GFRA2: variants seen among roughly 807,000 people sequenced by gnomAD.
The protein encoded by GFRA2 is GDNF family receptor alpha 2, also known as GDNF family receptor alpha-2.
Under a neutral mutation model 48.3 loss-of-function variants are expected in GFRA2, and 17 were observed. That is an observed-to-expected ratio of 0.35 (90% CI 0.24 to 0.53). GFRA2 has a LOEUF of 0.53. Among genes scored for constraint, GFRA2 ranks in the 20% least tolerant of loss-of-function variants. GFRA2 has a pLI of 0.93. For synonymous variants in GFRA2, 305 were observed against 257.2 expected, an observed-to-expected ratio of 1.19 and a Z score of -1.78; for missense variants, 660 against 637.3, an observed-to-expected ratio of 1.04 and a Z score of -0.38.
At chr8:21,733,884 C>T (rs1476601754) in intron 4 of GFRA2, among the ~76,000 whole-genome samples, 3 of 152,180 alleles carry the variant, frequency 2.0e-5, no homozygotes, top group Non-Finnish European at 4.4e-5. Context: ...AAACAACCAC[C>T]CTCCCCAGGC....
chr8:21,706,675 C>T (rs1049695431), intron 4 of GFRA2, among the ~76,000 whole-genome samples: 1 of 152,282 alleles, frequency 6.6e-6, no homozygotes, highest in South Asian at 2.1e-4. Context: ...CAGGCAGAAG[C>T]GGCCTTCCCT....
At chr8:21,790,070 C>T (rs921799269), upstream of GFRA2, 2 of 985,170 alleles carry the variant, frequency 2.0e-6, no homozygotes, top group African/African-American at 3.5e-5. Context: ...CCGGGCTCAC[C>T]GGCGTGTTTT....
At chr8:21,723,985 G>A (rs1050747091) in intron 4 of GFRA2, among the ~76,000 whole-genome samples, 3 of 152,132 alleles carry the variant, frequency 2.0e-5, no homozygotes, top group Admixed American at 6.5e-5. Flanking sequence ...AGGAATGGAC[G>A]CTGGCAGAGT....
chr8:21,716,324 C>T (rs1585247276), intron 4 of GFRA2, among the ~76,000 whole-genome samples: 1 of 146,480 alleles, frequency 6.8e-6, no homozygotes, highest in African/African-American at 2.5e-5. Context: ...AAAAAAAAGA[C>T]AGAAACATTC....
chr8:21,749,542 A>C (rs1477574580), intron 4 of GFRA2, among the ~76,000 whole-genome samples: 1 of 151,762 alleles, frequency 6.6e-6, no homozygotes, highest in African/African-American at 2.4e-5. Flanking sequence ...GATCATTGAG[A>C]CTGGATCATA....
chr8:21,788,731 C>T lies in GFRA2; in HGVS notation c.-572G>A, dbSNP rs1807412596. ...AGACGAAGACAAGATTCAAAAAAAT[C>T]TTCTCCCGCTAACCCTTGCTCGGCT... On this transcript the variant is annotated 5_prime_UTR_variant, in exon 1 of 9. Transcript: ENST00000524240. The T allele has an allele frequency of 1.0e-6, 1 of 981,368 alleles. No homozygotes were observed. The highest frequency in any genetic ancestry group is 1.2e-6 in the Non-Finnish European group (1 of 827,244). The allele number at this position is 981,368 out of a possible 1,614,324, so 60.8% of individuals were successfully genotyped here.
chr8:21,715,116 T>A (rs1007592603), intron 4 of GFRA2, among the ~76,000 whole-genome samples: 1 of 152,164 alleles, frequency 6.6e-6, no homozygotes, highest in African/African-American at 2.4e-5. Flanking sequence ...GACAACCTGA[T>A]CTTCCATCCT....
intron 6 of GFRA2, among the ~76,000 whole-genome samples, chr8:21,703,810 G>A (rs1238888982): frequency 6.6e-6 from 1 of 152,126 alleles, no homozygotes; most frequent in African/African-American, 2.4e-5. Flanking sequence ...CCACCACTGT[G>A]TGCCCCTGTG....
intron 1 of GFRA2, among the ~76,000 whole-genome samples, chr8:21,809,549 G>A (rs962973410): frequency 6.6e-6 from 1 of 152,012 alleles, no homozygotes; most frequent in Non-Finnish European, 1.5e-5. Context: ...GGATGGTCTT[G>A]ATCTCCTGAC....
chr8:21,792,486 T>G (rs955764734), upstream of GFRA2, among the ~76,000 whole-genome samples: 8 of 152,314 alleles, frequency 5.3e-5, no homozygotes, highest in East Asian at 1.5e-3. Context: ...GAACGACTTC[T>G]CTGGCCCCAG....
At chr8:21,769,521 G>T (rs1806345258) in intron 3 of GFRA2, among the ~76,000 whole-genome samples, 1 of 152,176 alleles carries the variant, frequency 6.6e-6, no homozygotes, top group South Asian at 2.1e-4. Context: ...TAAGAAACAT[G>T]AGGTTCAGGG....
chr8:21,758,746 G>A (rs1008438080), intron 3 of GFRA2, among the ~76,000 whole-genome samples: 1 of 152,100 alleles, frequency 6.6e-6, no homozygotes, highest in Admixed American at 6.5e-5. Context: ...ACCAGTGCAA[G>A]ACTCTCAGGG....
chr8:21,705,454 G>A (rs1011139098), intron 5 of GFRA2, among the ~76,000 whole-genome samples: 2 of 152,164 alleles, frequency 1.3e-5, no homozygotes, highest in African/African-American at 4.8e-5. Context: ...TCAAATCAGG[G>A]TGAATGAGGC....
chr8:21,800,968 G>T (rs907887651), intron 2 of GFRA2, among the ~76,000 whole-genome samples: 21 of 149,904 alleles, frequency 1.4e-4, no homozygotes, highest in Admixed American at 1.3e-3. Context: ...GCATCCACAA[G>T]ATTTTTCAGA....
intron 4 of GFRA2, among the ~76,000 whole-genome samples, chr8:21,737,368 CA>C (rs112229992): frequency 0.013 from 1,887 of 143,094 alleles, 36 homozygotes; most frequent in African/African-American, 0.045. Flanking sequence ...GACTCCGTCT[CA>C]AAAAAAAAAA....
At chr8:21,707,427 G>A (rs569440135) in intron 4 of GFRA2, among the ~76,000 whole-genome samples, 1 of 152,328 alleles carries the variant, frequency 6.6e-6, no homozygotes, top group Non-Finnish European at 1.5e-5. Flanking sequence ...CTTTCCACCG[G>A]AAGGTGCTGG....
At chr8:21,811,772 A>G (rs961031588) in intron 1 of GFRA2, among the ~76,000 whole-genome samples, 2 of 147,252 alleles carry the variant, frequency 1.4e-5, no homozygotes, top group South Asian at 4.6e-4. Context: ...CATTGCAGAG[A>G]AAGGCTTGGC....
chr8:21,770,809 T>C (rs2117690168), intron 3 of GFRA2, among the ~76,000 whole-genome samples: 2 of 152,280 alleles, frequency 1.3e-5, no homozygotes, highest in South Asian at 4.1e-4. Context: ...CACTTCTCTC[T>C]AGCCCCACAA....
chr8:21,806,092 C>CT (rs1390208060), intron 1 of GFRA2, among the ~76,000 whole-genome samples: 28 of 152,144 alleles, frequency 1.8e-4, no homozygotes, highest in Admixed American at 1.6e-3. Flanking sequence ...CTTCATCTAC[C>CT]CTAATTATTC....
Sources: gnomAD v4.1 joint callset for allele counts (sites outside exome capture counted in the v4.1 genomes callset) on GRCh38, gnomAD v4.1.1 for gene constraint, MANE v1.5 for transcripts, NCBI Gene and HGNC (gene_info 2026-07-23, HGNC 2026-07-21) for gene names.